TENM3: variants seen among roughly 807,000 people sequenced by gnomAD.
The protein encoded by TENM3 is teneurin transmembrane protein 3.
A neutral mutation model predicts 255.1 loss-of-function variants in TENM3; 63 were observed. The observed-to-expected ratio is 0.25, with a 90% CI of 0.20 to 0.30. The LOEUF (loss-of-function observed/expected upper bound fraction) is 0.30, where lower values mean the gene tolerates loss of function less well. TENM3 is among the 10% of genes least tolerant of loss of function. The probability of loss-of-function intolerance (pLI) is 1.00; values close to 1 mark genes in which losing one functional copy is unlikely to be tolerated. For synonymous variants in TENM3, 1,306 were observed against 1,322.3 expected (o/e 0.99, Z 0.27); for missense variants, 2,929 against 3,461.1 (o/e 0.85, Z 3.86).
the TENM3 span, among the ~76,000 whole-genome samples, chr4:181,923,850 A>G: frequency 1.3e-5 from 2 of 152,198 alleles, no homozygotes; most frequent in African/African-American, 4.8e-5. Flanking sequence ...GCATGGATCT[A>G]GGAACAGAAT....
At chr4:182,096,465 A>G in the TENM3 span, among the ~76,000 whole-genome samples, 1 of 152,234 alleles carries the variant, frequency 6.6e-6, no homozygotes, top group Non-Finnish European at 1.5e-5. Flanking sequence ...TTATCTAAGT[A>G]TTTCAACTAA....
the TENM3 span, among the ~76,000 whole-genome samples, chr4:182,027,058 A>T: frequency 3.3e-5 from 5 of 152,094 alleles, no homozygotes; most frequent in East Asian, 9.6e-4. Flanking sequence ...TAGGGTGGAC[A>T]TTTTAACAAT....
chr4:182,078,869 T>C, the TENM3 span, among the ~76,000 whole-genome samples: 1 of 152,040 alleles, frequency 6.6e-6, no homozygotes, highest in Non-Finnish European at 1.5e-5. Context: ...TGAAGTAGAA[T>C]GGGAAGGTCA....
the TENM3 span, among the ~76,000 whole-genome samples, chr4:182,053,676 T>C: frequency 6.6e-6 from 1 of 152,298 alleles, no homozygotes; most frequent in African/African-American, 2.4e-5. Context: ...GAGACAGCTC[T>C]CTCCTGCTCT....
At chr4:181,560,750 T>C in the TENM3 span, among the ~76,000 whole-genome samples, 1 of 152,146 alleles carries the variant, frequency 6.6e-6, no homozygotes, top group Non-Finnish European at 1.5e-5. Context: ...CTGAGTGAAG[T>C]TCCCCCAGCC....
intron 1 of TENM3, among the ~76,000 whole-genome samples, chr4:182,212,159 A>G (rs1408401264): frequency 6.6e-6 from 1 of 152,220 alleles, no homozygotes; most frequent in Admixed American, 6.5e-5. Context: ...TCTCTTTCCT[A>G]TAATTTATAA....
intron 1 of TENM3, among the ~76,000 whole-genome samples, chr4:182,166,478 G>A (rs1751731215): frequency 6.6e-6 from 1 of 152,128 alleles, no homozygotes; most frequent in African/African-American, 2.4e-5. Flanking sequence ...TCATCAACTG[G>A]TGTAGATTTG....
chr4:182,718,885 C>T (rs1759422595), intron 13 of TENM3, among the ~76,000 whole-genome samples: 1 of 152,186 alleles, frequency 6.6e-6, no homozygotes, highest in South Asian at 2.1e-4. Flanking sequence ...TATGCAAGCA[C>T]CAAAAGGCAA....
intron 1 of TENM3, among the ~76,000 whole-genome samples, chr4:182,219,646 C>G (rs762148094): frequency 1.6e-4 from 25 of 152,066 alleles, no homozygotes; most frequent in Non-Finnish European, 2.4e-4. Context: ...GCCTGGGCTA[C>G]AGTGAGACCC....
chr4:182,616,219 T>C (rs1042440205), intron 4 of TENM3, among the ~76,000 whole-genome samples: 12 of 152,174 alleles, frequency 7.9e-5, no homozygotes, highest in African/African-American at 2.4e-4. Flanking sequence ...TGAACTGTTT[T>C]CGTGTAAAAG....
intron 4 of TENM3, among the ~76,000 whole-genome samples, chr4:182,624,067 A>C (rs975743806): frequency 1.2e-4 from 19 of 152,066 alleles, no homozygotes; most frequent in African/African-American, 4.3e-4. Flanking sequence ...GGCCCCTTGG[A>C]TATACGCCGT....
intron 3 of TENM3, among the ~76,000 whole-genome samples, chr4:182,498,228 G>A (rs1257490243): frequency 6.6e-6 from 1 of 152,096 alleles, no homozygotes; most frequent in Non-Finnish European, 1.5e-5. Context: ...AAGGAAGGCT[G>A]ACTCGTAATT....
chr4:181,549,378 T>C, the TENM3 span, among the ~76,000 whole-genome samples: 25 of 152,310 alleles, frequency 1.6e-4, no homozygotes, highest in African/African-American at 6.0e-4. Context: ...TACATCATTG[T>C]TATCCTCGGT....
chr4:182,139,891 T>C (rs896262642), upstream of TENM3, among the ~76,000 whole-genome samples: 12 of 152,224 alleles, frequency 7.9e-5, no homozygotes, highest in African/African-American at 2.9e-4. Context: ...CAATTAAAGG[T>C]TGCTTCGTCT....
intron 1 of TENM3, among the ~76,000 whole-genome samples, chr4:182,188,810 C>T (rs1753329955): frequency 1.3e-5 from 2 of 152,212 alleles, no homozygotes; most frequent in South Asian, 4.1e-4. Flanking sequence ...AGCATCTGGC[C>T]CTGCCCAGTC....
At chr4:181,986,180 T>C in the TENM3 span, among the ~76,000 whole-genome samples, 1 of 152,076 alleles carries the variant, frequency 6.6e-6, no homozygotes, top group Middle Eastern at 3.2e-3. Flanking sequence ...TTCAACTTCC[T>C]ATCGCACTGA....
At chr4:182,330,505 AG>A in intron 2 of TENM3, among the ~76,000 whole-genome samples, 1 of 152,330 alleles carries the variant, frequency 6.6e-6, no homozygotes, top group South Asian at 2.1e-4. Flanking sequence ...GAGAAGGTCA[AG>A]GGGAAAGTGA....
chr4:182,537,783 GTC>G (rs1580865633), intron 3 of TENM3, among the ~76,000 whole-genome samples: 3 of 152,290 alleles, frequency 2.0e-5, no homozygotes, highest in Admixed American at 6.5e-5. Context: ...TTGTGTCCCT[GTC>G]TCTGTGTTTT....
intron 4 of TENM3, among the ~76,000 whole-genome samples, chr4:182,616,118 C>T (rs954989102): frequency 1.3e-5 from 2 of 152,158 alleles, no homozygotes; most frequent in Admixed American, 1.3e-4. Context: ...AATGGTCTCT[C>T]AGTTGCATTT....
Sources: allele counts gnomAD v4.1 joint callset (sites outside exome capture counted in the v4.1 genomes callset), GRCh38; gene constraint gnomAD v4.1.1; transcripts MANE v1.5; gene names NCBI Gene and HGNC (gene_info 2026-07-23, HGNC 2026-07-21).